The following PRKCQ variants were observed in gnomAD, a reference collection of about 807,000 sequenced individuals.
PRKCQ encodes the protein protein kinase C theta.
PRKCQ carries 41 observed loss-of-function variants against 91.2 expected under a neutral mutation model. The observed-to-expected ratio is 0.45, with a 90% CI of 0.35 to 0.58. The LOEUF (loss-of-function observed/expected upper bound fraction) is 0.58. PRKCQ is among the 20% of genes least tolerant of loss of function. The pLI is 0.00. For synonymous variants in PRKCQ, 307 were observed against 316.9 expected (o/e 0.97, Z 0.33); for missense variants, 673 against 896.5 (o/e 0.75, Z 3.18).
the PRKCQ span, among the ~76,000 whole-genome samples, chr10:6,411,597 A>T: frequency 6.6e-6 from 1 of 152,238 alleles, no homozygotes; most frequent in South Asian, 2.1e-4. Flanking sequence ...CCTGTTCTGT[A>T]AGTAAAGTTT....
At position 6,428,030 on chromosome 10, in the gene PRKCQ, A is replaced by G; in HGVS notation, c.*177T>C. ...AGACGAGACACACGGCATCGTCATT[A>G]GTGAAGTAGACTTGGTTTCTGCTAC... On this transcript the variant is annotated 3_prime_UTR_variant, in exon 18 of 18. Coordinates refer to ENST00000263125, the MANE Select transcript of PRKCQ (RefSeq NM_006257.5). The G allele has an allele frequency of 1.4e-6, 1 of 706,156 alleles. No individual in the cohort carries two copies. Among genetic ancestry groups the G allele is most frequent in the East Asian group, 2.8e-5 (1 of 36,168 alleles). 43.7% of individuals were successfully genotyped at this position (706,156 alleles called of 1,614,324 possible).
At chr10:6,471,353 C>T (rs761379874) in intron 12 of PRKCQ, among the ~76,000 whole-genome samples, 5 of 152,170 alleles carry the variant, frequency 3.3e-5, no homozygotes, top group South Asian at 2.1e-4. Flanking sequence ...TTCTGGGTCA[C>T]GTAAGCTGAG....
chr10:6,485,704 G>C (rs1340526160), intron 9 of PRKCQ, among the ~76,000 whole-genome samples: 1 of 152,218 alleles, frequency 6.6e-6, no homozygotes, highest in Non-Finnish European at 1.5e-5. Flanking sequence ...TAGCACATAA[G>C]TGTTTTCCCC....
downstream of PRKCQ, among the ~76,000 whole-genome samples, chr10:6,426,481 G>A (rs117341591): frequency 9.9e-5 from 15 of 152,218 alleles, no homozygotes; most frequent in South Asian, 1.7e-3. Flanking sequence ...GACAAGTGTC[G>A]CCTTCTCACA....
chr10:6,533,791 A>C (rs1839477513), intron 1 of PRKCQ, among the ~76,000 whole-genome samples: 1 of 152,206 alleles, frequency 6.6e-6, no homozygotes, highest in South Asian at 2.1e-4. Flanking sequence ...AAAGGGAAAG[A>C]TTGCTTAATG....
chr10:6,520,526 C>T (rs1838959537), intron 1 of PRKCQ, among the ~76,000 whole-genome samples: 1 of 152,174 alleles, frequency 6.6e-6, no homozygotes, highest in Admixed American at 6.5e-5. Context: ...ACAGCTTCAG[C>T]CTTCTAGGAA....
chr10:6,518,508 G>T (rs1838863542), intron 1 of PRKCQ, among the ~76,000 whole-genome samples: 1 of 151,978 alleles, frequency 6.6e-6, no homozygotes, highest in Non-Finnish European at 1.5e-5. Flanking sequence ...GCTGTAAAAA[G>T]AATTATAATA....
intron 1 of PRKCQ, among the ~76,000 whole-genome samples, chr10:6,523,879 C>T (rs1183724668): frequency 1.3e-5 from 2 of 152,100 alleles, no homozygotes; most frequent in Admixed American, 6.5e-5. Context: ...GTTCAAGTTG[C>T]CCCCTTCACA....
At chr10:6,447,183 C>T (rs568217408) in intron 15 of PRKCQ, among the ~76,000 whole-genome samples, 46 of 151,820 alleles carry the variant, frequency 3.0e-4, no homozygotes, top group African/African-American at 5.8e-4. Context: ...CCAAGGCGGG[C>T]GGATCATGAG....
chr10:6,514,221 C>T (rs1310532441), intron 2 of PRKCQ, among the ~76,000 whole-genome samples: 1 of 152,080 alleles, frequency 6.6e-6, no homozygotes, highest in African/African-American at 2.4e-5. Context: ...TCAAAATGCA[C>T]GTAGGGAAAC....
At chr10:6,551,235 A>C (rs1394060265) in intron 1 of PRKCQ, among the ~76,000 whole-genome samples, 4 of 152,082 alleles carry the variant, frequency 2.6e-5, no homozygotes, top group Non-Finnish European at 5.9e-5. Context: ...GCTCCCACTT[A>C]TAAGTGAGAA....
At chr10:6,463,398 C>T (rs1242548749) in intron 13 of PRKCQ, among the ~76,000 whole-genome samples, 1 of 152,112 alleles carries the variant, frequency 6.6e-6, no homozygotes, top group Non-Finnish European at 1.5e-5. Flanking sequence ...TGGCTGGAGA[C>T]GACAGTGGAC....
rs754032510 is a variant in PRKCQ, at chr10:6,497,053, G to A, written c.642C>T (p.Ile214=). ...TACTCACCATGGTTTCTCGGCTATT[G>A]ATAGCTGATCCTGTGCACTTTGCTA... is the stretch of plus-strand genomic sequence containing the variant. ...KVIAKCTGSA[I]NSRETMFHKE... is the part of the protein sequence containing the mutation. Residue 214 remains isoleucine (I), a synonymous_variant, in exon 7 of 18, where the codon ATC becomes ATT. Transcript: ENST00000263125. The surrounding 1 kb of genome is among the most constrained non-coding windows in gnomAD (Gnocchi z 4.5). 6.2e-7 allele frequency: 1 copy of A among 1,612,952 alleles called. No individual in the cohort carries two copies.
At chr10:6,537,837 G>A (rs568728580) in intron 1 of PRKCQ, among the ~76,000 whole-genome samples, 1 of 152,334 alleles carries the variant, frequency 6.6e-6, no homozygotes, top group East Asian at 1.9e-4. Flanking sequence ...CTCAGGGCTA[G>A]GGAGGGCAAG....
At chr10:6,426,333 G>A (rs984284177), downstream of PRKCQ, among the ~76,000 whole-genome samples, 1 of 152,214 alleles carries the variant, frequency 6.6e-6, no homozygotes, top group Admixed American at 6.5e-5. Flanking sequence ...CAAATGCAAA[G>A]CAGAGCAGAG....
chr10:6,527,561 T>C (rs937674163), intron 1 of PRKCQ, among the ~76,000 whole-genome samples: 1 of 152,058 alleles, frequency 6.6e-6, no homozygotes, highest in Non-Finnish European at 1.5e-5. Context: ...GATACGTTTG[T>C]AAAAGAAAAT....
intron 12 of PRKCQ, among the ~76,000 whole-genome samples, chr10:6,466,093 G>A (rs1835635957): frequency 3.9e-5 from 6 of 152,252 alleles, no homozygotes; most frequent in Admixed American, 3.9e-4. Flanking sequence ...CTTCTTTTAA[G>A]TAGTCACGAG....
chr10:6,404,970 C>CCTTCCT, the PRKCQ span, among the ~76,000 whole-genome samples: 15 of 119,962 alleles, frequency 1.3e-4, no homozygotes, highest in South Asian at 5.7e-4. Flanking sequence ...TTCCTTCCTT[C>CCTTCCT]TCTCTCTCTC....
intron 16 of PRKCQ, among the ~76,000 whole-genome samples, chr10:6,441,245 AT>A (rs1429879703): frequency 4.6e-5 from 7 of 151,950 alleles, no homozygotes; most frequent in Non-Finnish European, 8.8e-5. Flanking sequence ...ATAAATGCCC[AT>A]TTTCTCCTGC....
Sources: gnomAD v4.1 joint callset for allele counts (sites outside exome capture counted in the v4.1 genomes callset) on GRCh38, gnomAD v4.1.1 for gene constraint, Gnocchi (gnomAD v3.1) non-coding constraint, MANE v1.5 for transcripts, NCBI Gene and HGNC (gene_info 2026-07-23, HGNC 2026-07-21) for gene names.